ZFX: variants seen among roughly 807,000 people sequenced by gnomAD.
ZFX encodes the protein zinc finger protein X-linked, also known as zinc finger X-chromosomal protein.
For missense variants in ZFX, 362 were observed against 628.3 expected, an observed-to-expected ratio of 0.58 and a Z score of 4.53; for synonymous variants, 196 against 226.8, an observed-to-expected ratio of 0.86 and a Z score of 1.22.
chrX:24,211,557 T>A lies in ZFX; in HGVS notation c.*181T>A. The A allele has an allele frequency of 2.0e-6, 1 of 496,630 alleles. No homozygotes were observed. Among genetic ancestry groups the A allele is most frequent in the Non-Finnish European group, 3.2e-6 (1 of 315,177 alleles). 40.9% of individuals were successfully genotyped at this position (496,630 alleles called of 1,213,427 possible). On this transcript the variant is annotated 3_prime_UTR_variant, in exon 10 of 10. Coordinates refer to ENST00000304543, the MANE Select transcript of ZFX (RefSeq NM_003410.4). ...TTTTGCTCAGTAGTGTGTTCTGAAT[T>A]CTATTCAGTTTGTTTAATAAATAGG...
At chrX:24,195,903 A>T (rs767656972) in intron 5 of ZFX, among the ~76,000 whole-genome samples, 1 of 112,469 alleles carries the variant, frequency 8.9e-6, no homozygotes, top group African/African-American at 3.2e-5. Context: ...GTGACTTTTC[A>T]TGATAAGTGT....
rs1376301094 is a variant in ZFX at position 24,214,889 on chromosome X, G to A, written c.*3513G>A. On this transcript the variant is annotated 3_prime_UTR_variant, in exon 10 of 10. Coordinates refer to ENST00000304543, the MANE Select transcript of ZFX (RefSeq NM_003410.4). ...TCATGCCCTCGAGTTACCCCACTGC[G>A]CCCAGTTTAGAGGACTAGTAGATGC... 1 of 111,082 alleles carries A rather than the reference G, an allele frequency of 9.0e-6. No individual in the cohort carries two copies. Among genetic ancestry groups the A allele is most frequent in the Non-Finnish European group, 1.9e-5 (1 of 53,063 alleles). 9.2% of individuals were successfully genotyped at this position (111,082 alleles called of 1,213,427 possible).
intron 5 of ZFX, among the ~76,000 whole-genome samples, chrX:24,203,586 G>A (rs1937447161): frequency 8.9e-6 from 1 of 112,277 alleles, no homozygotes; most frequent in African/African-American, 3.2e-5. Context: ...GAAACCCTTG[G>A]CCTGCAAGGA....
intron 5 of ZFX, among the ~76,000 whole-genome samples, chrX:24,198,265 C>T (rs1937050584): frequency 9.0e-6 from 1 of 111,269 alleles, no homozygotes; most frequent in African/African-American, 3.3e-5. Context: ...TGCAGTGGCA[C>T]GATCATGACT....
intron 1 of ZFX, among the ~76,000 whole-genome samples, chrX:24,150,317 G>A (rs1332219272): frequency 9.2e-6 from 1 of 108,232 alleles, no homozygotes; most frequent in Admixed American, 9.5e-5. Context: ...CAGCCCGTGA[G>A]GGGGGGTGGG....
intron 5 of ZFX, chrX:24,207,122 C>T (rs1221978293): frequency 2.9e-6 from 1 of 348,068 alleles, no homozygotes; most frequent in Non-Finnish European, 4.9e-6. Context: ...AGTCCCAGCT[C>T]CTCGGGAGGC....
chrX:24,178,109 T>C (rs748198283), intron 4 of ZFX, among the ~76,000 whole-genome samples: 2 of 107,370 alleles, frequency 1.9e-5, no homozygotes, highest in African/African-American at 6.8e-5. Context: ...TTTTTGTATT[T>C]TTAGTAGAGA....
chrX:24,156,057 C>T (rs747740789), intron 3 of ZFX, among the ~76,000 whole-genome samples: 27 of 111,320 alleles, frequency 2.4e-4, no homozygotes, highest in African/African-American at 9.8e-5. Context: ...CCACCATGCC[C>T]GGTTAATTTT....
In ZFX at chrX:24,211,645, A is replaced by ATATC; in HGVS notation, c.*271_*274dup. 1 of 294,749 alleles carries ATATC rather than the reference A, an allele frequency of 3.4e-6. No homozygotes were observed. Among genetic ancestry groups the ATATC allele is most frequent in the Non-Finnish European group, 5.9e-6 (1 of 170,474 alleles). 24.3% of individuals were successfully genotyped at this position (294,749 alleles called of 1,213,427 possible). On this transcript the variant is annotated 3_prime_UTR_variant, in exon 10 of 10. Coordinates refer to ENST00000304543, the MANE Select transcript of ZFX (RefSeq NM_003410.4). ...ATCCCTGATTCTATACCGAAGTTTT[A>ATATC]TATCTTAGAATTTTATATTTATTTA...
chrX:24,162,378 T>G (rs903228659), intron 3 of ZFX, among the ~76,000 whole-genome samples: 14 of 112,379 alleles, frequency 1.2e-4, no homozygotes, highest in African/African-American at 4.5e-4. Flanking sequence ...CGATAATAGT[T>G]TTTCAGTTGA....
Position 24,211,562 on chromosome X carries a change from TCA to T in ZFX, c.*187_*188del. ...CTCAGTAGTGTGTTCTGAATTCTAT[TCA>T]GTTTGTTTAATAAATAGGGAAAACT... is the stretch of plus-strand genomic sequence containing the variant. On this transcript the variant is annotated 3_prime_UTR_variant, in exon 10 of 10. Transcript: ENST00000304543. 2 of 488,167 alleles carry T rather than the reference TCA, an allele frequency of 4.1e-6. No homozygotes were observed. The highest frequency in any genetic ancestry group is 4.4e-5 in the South Asian group (1 of 22,750). 40.2% of individuals were successfully genotyped at this position (488,167 alleles called of 1,213,427 possible).
At chrX:24,193,302 C>T (rs2318794) in intron 5 of ZFX, among the ~76,000 whole-genome samples, 1 of 112,071 alleles carries the variant, frequency 8.9e-6, no homozygotes, top group Non-Finnish European at 1.9e-5. Flanking sequence ...GGATGAACCT[C>T]GAAAGCGTTA....
At chrX:24,190,434 C>G (rs1415107744) in intron 5 of ZFX, among the ~76,000 whole-genome samples, 2 of 111,986 alleles carry the variant, frequency 1.8e-5, no homozygotes, top group Non-Finnish European at 3.8e-5. Context: ...GTATAATGTT[C>G]AATCTAGGTG....
At chrX:24,158,056 G>A (rs182591692) in intron 3 of ZFX, among the ~76,000 whole-genome samples, 1 of 111,603 alleles carries the variant, frequency 9.0e-6, no homozygotes. Flanking sequence ...ACTGTGCCCG[G>A]CCAATTTCTT....
chrX:24,203,973 C>T (rs1157091993), intron 5 of ZFX, among the ~76,000 whole-genome samples: 1 of 112,053 alleles, frequency 8.9e-6, no homozygotes, highest in Non-Finnish European at 1.9e-5. Flanking sequence ...CATAAATGAC[C>T]TTCATTTCAA....
chrX:24,185,025 C>T lies in ZFX; in HGVS notation c.646+5255C>T, dbSNP rs964317436. 2.7e-5 allele frequency among the ~76,000 whole-genome samples: 3 copies of T among 112,230 alleles called. No homozygotes were observed. In the South Asian group the frequency reaches 1.1e-3, roughly 41 times the overall value. On this transcript the variant is annotated intron_variant, in intron 5 of 9. Transcript: ENST00000304543. ...GGAGTGCAGTGGTGCCATCGCGGCT[C>T]ACTACCACCTCTGCCTCCTGCGCTC...
intron 5 of ZFX, among the ~76,000 whole-genome samples, chrX:24,184,771 TTTC>T (rs1935966838): frequency 9.0e-6 from 1 of 111,639 alleles, no homozygotes; most frequent in African/African-American, 3.3e-5. Flanking sequence ...GATAATATAA[TTTC>T]TTTCCTTTTA....
At chrX:24,176,132 C>T (rs998958406) in intron 4 of ZFX, among the ~76,000 whole-genome samples, 2 of 106,538 alleles carry the variant, frequency 1.9e-5, no homozygotes, top group East Asian at 3.0e-4. Context: ...CTCTGCCTCC[C>T]GGGTTCAAAT....
chrX:24,198,117 A>G (rs1286115490), intron 5 of ZFX, among the ~76,000 whole-genome samples: 1 of 112,615 alleles, frequency 8.9e-6, no homozygotes, highest in African/African-American at 3.2e-5. Flanking sequence ...GTTAACTTCC[A>G]CATCTTTCAC....
Sources: allele counts gnomAD v4.1 joint callset (sites outside exome capture counted in the v4.1 genomes callset), GRCh38; gene constraint gnomAD v4.1.1; transcripts MANE v1.5; gene names NCBI Gene and HGNC (gene_info 2026-07-23, HGNC 2026-07-21).